RAD21: variants seen among roughly 807,000 people sequenced by gnomAD.
RAD21 encodes the protein double-strand-break repair protein rad21 homolog.
A neutral mutation model predicts 71.5 loss-of-function variants in RAD21; 18 were observed. The observed-to-expected ratio is 0.25, with a 90% CI of 0.17 to 0.37. The LOEUF (loss-of-function observed/expected upper bound fraction) is 0.37. Ranked by LOEUF, RAD21 falls within the 10% of genes least tolerant of loss-of-function variation. The pLI is 1.00. For synonymous variants in RAD21, 248 were observed against 254.0 expected (o/e 0.98, Z 0.22); for missense variants, 493 against 769.1 (o/e 0.64, Z 4.25).
chr8:116,857,157 CAT>C (rs933776670), intron 6 of RAD21, 108 bp downstream of exon 6: 3 of 895,314 alleles, frequency 3.4e-6, no homozygotes, highest in East Asian at 2.5e-5. Flanking sequence ...ACAATTCACT[CAT>C]ATATATCTAA....
chr8:116,848,784 C>G, intron 13 of RAD21, 162 bp downstream of exon 13: 1 of 439,776 alleles, frequency 2.3e-6, no homozygotes, highest in Non-Finnish European at 3.9e-6. Context: ...GAAAAGAAAA[C>G]TCTCCCTCCA....
At position 116,846,833 on chromosome 8, in the gene RAD21, C is replaced by A. The variant is rs1300131054; in HGVS notation, c.*667G>T. On this transcript the variant is annotated 3_prime_UTR_variant, in exon 14 of 14. Coordinates refer to ENST00000297338, the MANE Select transcript of RAD21 (RefSeq NM_006265.3). ...TAACAGATTTCAGTATAGCCAAGTT[C>A]ATCAGAAAGACTCAAATGGAATGAT... is the stretch of plus-strand genomic sequence containing the variant. 2 of 219,496 alleles carry A rather than the reference C, an allele frequency of 9.1e-6. No homozygotes were observed. Among genetic ancestry groups the A allele is most frequent in the Non-Finnish European group, 1.8e-5 (2 of 109,520 alleles). The allele number at this position is 219,496 out of a possible 1,614,324, so 13.6% of individuals were successfully genotyped here.
intron 2 of RAD21, 147 bp downstream of exon 2, chr8:116,866,439 G>A: frequency 1.6e-6 from 1 of 621,152 alleles, no homozygotes; most frequent in South Asian, 2.8e-5. Context: ...ATCTAGAGGT[G>A]ATAAGGACTT....
At chr8:116,850,902 A>T in intron 11 of RAD21, 135 bp from the exon 12 acceptor site, 1 of 534,810 alleles carries the variant, frequency 1.9e-6, no homozygotes, top group Admixed American at 3.3e-5. Context: ...CTTCCCCACA[A>T]GGAAAAATTT....
intron 1 of RAD21, among the ~76,000 whole-genome samples, chr8:116,867,304 T>C (rs1812716525): frequency 6.6e-6 from 1 of 152,224 alleles, no homozygotes; most frequent in Non-Finnish European, 1.5e-5. Flanking sequence ...GTGGGTAGTT[T>C]AGAAAAATCG....
intron 8 of RAD21, 90 bp downstream of exon 8, chr8:116,856,076 A>T: frequency 1.4e-6 from 2 of 1,411,370 alleles, no homozygotes; most frequent in Non-Finnish European, 1.9e-6. Context: ...TAGTTATCTA[A>T]TACAACAGTA....
At chr8:116,866,005 T>C (rs1812682597) in intron 2 of RAD21, among the ~76,000 whole-genome samples, 2 of 152,172 alleles carry the variant, frequency 1.3e-5, no homozygotes, top group Non-Finnish European at 2.9e-5. Flanking sequence ...ATTTTATTAG[T>C]TTGTACAAAT....
At chr8:116,857,105 A>G (rs552080842) in intron 6 of RAD21, among the ~76,000 whole-genome samples, 162 bp downstream of exon 6, 3 of 152,338 alleles carry the variant, frequency 2.0e-5, no homozygotes, top group Admixed American at 6.5e-5. Flanking sequence ...CAACATTTTA[A>G]GAGGCTAGTT....
rs1053990110 is a variant in RAD21, at chr8:116,848,709, G to A, written c.1704+237C>T. Among the ~76,000 whole-genome samples the A allele has an allele frequency of 2.7e-5, 4 of 150,568 alleles. No individual in the cohort carries two copies. In the East Asian group the frequency reaches 5.8e-4, roughly 22 times the overall value. ...CAAGCATTCTCCTCCATGCTTTTCC[G>A]GCTTACTCTTGGCCTAACAGTTTAT... is the stretch of plus-strand genomic sequence containing the variant. On this transcript the variant is annotated intron_variant, in intron 13 of 13. Transcript: ENST00000297338.
intron 10 of RAD21, chr8:116,852,347 C>A: frequency 1.5e-6 from 1 of 659,558 alleles, no homozygotes; most frequent in Non-Finnish European, 2.4e-6. Context: ...GACTATCTAC[C>A]CTGCCAGTTC....
chr8:116,862,532 A>G (rs568528561), intron 3 of RAD21, among the ~76,000 whole-genome samples: 75 of 152,258 alleles, frequency 4.9e-4, no homozygotes, highest in African/African-American at 1.8e-3. Flanking sequence ...ACTAGAATGT[A>G]TCCTCAGTAG....
chr8:116,852,437 C>T, intron 10 of RAD21, 112 bp downstream of exon 10: 1 of 1,193,342 alleles, frequency 8.4e-7, no homozygotes, highest in East Asian at 2.4e-5. Context: ...CCTGCCCAAA[C>T]ATTTGAGTAT....
At chr8:116,863,067 C>T (rs1812623342) in intron 3 of RAD21, 63 bp downstream of exon 3, 1 of 1,538,706 alleles carries the variant, frequency 6.5e-7, no homozygotes, top group Admixed American at 1.9e-5. Context: ...TACAGTAACA[C>T]AAAAAACATG....
rs1812262607 is a variant in RAD21 at position 116,846,932 on chromosome 8, T to C, written c.*568A>G. The C allele has an allele frequency of 4.7e-6, 1 of 214,936 alleles. No homozygotes were observed. The highest frequency in any genetic ancestry group is 9.4e-6 in the Non-Finnish European group (1 of 106,646). 13.3% of individuals were successfully genotyped at this position (214,936 alleles called of 1,614,324 possible). On this transcript the variant is annotated 3_prime_UTR_variant, in exon 14 of 14. Coordinates refer to ENST00000297338, the MANE Select transcript of RAD21 (RefSeq NM_006265.3). ...TGAAGGCTATCAGTCATAACACAATTTCGCGTACACCTCTGCTCATTATGG... is the reference window on the plus strand; with the variant it reads ...TGAAGGCTATCAGTCATAACACAATCTCGCGTACACCTCTGCTCATTATGG...
rs777688487 is a variant in RAD21, at chr8:116,857,500, TTTAGAAAGA to T, written c.482-36_482-28del. 5 of 1,572,288 alleles carry T rather than the reference TTTAGAAAGA, an allele frequency of 3.2e-6. No individual in the cohort carries two copies. In the South Asian group the frequency reaches 4.5e-5, roughly 14 times the overall value. Reference sequence around the variant, plus strand: ...TAAACAAATTTTAATTTGTCATTAGTTTAGAAAGATTAGAAATAGCACTGTGATAAAAGA... The same window carrying T: ...TAAACAAATTTTAATTTGTCATTAGTTTAGAAATAGCACTGTGATAAAAGA... On this transcript the variant is annotated intron_variant, in intron 5 of 13. Transcript: ENST00000297338.
intron 3 of RAD21, among the ~76,000 whole-genome samples, chr8:116,862,694 A>T (rs1433707393): frequency 1.3e-5 from 2 of 152,142 alleles, no homozygotes; most frequent in Non-Finnish European, 2.9e-5. Flanking sequence ...CCAGTTTTAT[A>T]ACCAATCATT....
At chr8:116,851,916 A>G in intron 11 of RAD21, 32 bp downstream of exon 11, 1 of 1,582,798 alleles carries the variant, frequency 6.3e-7, no homozygotes, top group Non-Finnish European at 8.6e-7. Flanking sequence ...GAATACCTTC[A>G]AATGACTTAA....
chr8:116,861,777 G>T, intron 4 of RAD21, 64 bp downstream of exon 4: 14 of 1,160,390 alleles, frequency 1.2e-5, no homozygotes, highest in Non-Finnish European at 1.7e-5. Context: ...CTATACATTT[G>T]GAAGCTAATA....
intron 3 of RAD21, 105 bp from the exon 4 acceptor site, chr8:116,862,045 A>G: frequency 1.2e-6 from 1 of 849,608 alleles, no homozygotes; most frequent in Non-Finnish European, 1.9e-6. Context: ...TCTCATAGAA[A>G]GGTTGATAAC....
Sources: allele counts gnomAD v4.1 joint callset (sites outside exome capture counted in the v4.1 genomes callset), GRCh38; gene constraint gnomAD v4.1.1; transcripts MANE v1.5; gene names NCBI Gene and HGNC (gene_info 2026-07-23, HGNC 2026-07-21).